The following WNT3 variants were observed in gnomAD, a reference collection of about 807,000 sequenced individuals.
WNT3 encodes the protein Wnt family member 3, also known as proto-oncogene Wnt-3.
WNT3 carries 7 observed loss-of-function variants against 34.2 expected under a neutral mutation model. The observed-to-expected ratio is 0.20, with a 90% CI of 0.12 to 0.38. WNT3 has a LOEUF of 0.38. Among genes scored for constraint, WNT3 ranks in the 10% least tolerant of loss-of-function variants. The pLI is 1.00. For synonymous variants in WNT3, 212 were observed against 211.5 expected, an observed-to-expected ratio of 1.00 and a Z score of -0.02; for missense variants, 267 against 499.8, an observed-to-expected ratio of 0.53 and a Z score of 4.44.
rs765884429 is a variant in WNT3 at position 46,769,977 on chromosome 17, C to A, written c.394G>T (p.Ala132Ser). 6.2e-7 allele frequency: 1 copy of A among 1,610,424 alleles called. No homozygotes were observed. Among genetic ancestry groups the A allele is most frequent in the East Asian group, 2.2e-5 (1 of 44,790 alleles). Residue 132 changes from alanine (A) to serine (S), a missense_variant, in exon 3 of 5, where the codon GCC (alanine) becomes TCC (serine). Transcript: ENST00000225512. Reference protein sequence around the residue: ...GVAFAVTRSCAEGTSTICGCD... With the variant: ...GVAFAVTRSCSEGTSTICGCD... ...CCGCAAATGGTGGAGGTGCCCTCGGCGCAGGAGCGGGTGACGGCGAAGGCC... is the reference window on the plus strand; with the variant it reads ...CCGCAAATGGTGGAGGTGCCCTCGGAGCAGGAGCGGGTGACGGCGAAGGCC...
At position 46,796,081 on chromosome 17, in the gene WNT3, C is replaced by T. The variant is rs1306924021; in HGVS notation, c.81-22172G>A. 3.3e-5 allele frequency among the ~76,000 whole-genome samples: 5 copies of T among 152,350 alleles called. No homozygotes were observed. The South Asian group carries it at 6.2e-4, about 19-fold the overall frequency. The stretch of plus-strand genomic sequence containing the variant: ...TCCGCAGGTGGTAGGTGGCACCCTC[C>T]ACGCCTGCAGGCCAGGGCTTTGTGA... On this transcript the variant is annotated intron_variant, in intron 1 of 4. Coordinates refer to ENST00000225512, the MANE Select transcript of WNT3 (RefSeq NM_030753.5).
rs2059288471 is a variant in WNT3, at chr17:46,763,776, T to C, written c.*854A>G. On this transcript the variant is annotated 3_prime_UTR_variant, in exon 5 of 5. Coordinates refer to ENST00000225512, the MANE Select transcript of WNT3 (RefSeq NM_030753.5). ...CCGCTTATTTATTTAGGAAGCCATT[T>C]GAGCTAGAGAAGACTTGCCCCCTTA... The C allele has an allele frequency of 1.4e-5, 2 of 147,742 alleles. No individual in the cohort carries two copies. Among genetic ancestry groups the C allele is most frequent in the Admixed American group, 1.4e-4 (2 of 14,674 alleles). The allele number at this position is 147,742 out of a possible 1,614,324, so 9.2% of individuals were successfully genotyped here.
At chr17:46,778,336 G>A (rs1021265979) in intron 1 of WNT3, among the ~76,000 whole-genome samples, 2 of 152,218 alleles carry the variant, frequency 1.3e-5, no homozygotes, top group African/African-American at 4.8e-5. Context: ...CACTCAAAGA[G>A]TGCAGGCAAA....
rs553893302 is a variant in WNT3 at position 46,768,386 on chromosome 17, G to A, written c.1002C>T (p.Phe334=). The A allele has an allele frequency of 1.2e-5, 19 of 1,613,932 alleles. No individual in the cohort carries two copies. The South Asian group carries it at 1.6e-4, about 14-fold the overall frequency. The part of the protein sequence containing the change: ...EKRKEKCHCI[F]HWCCYVSCQE... ...GGCAGCTGACGTAGCAGCACCAGTG[G>A]AAGATGCAGTGGCATTTTTCCTTCC... The change falls in exon 4 of 5, where the codon TTC becomes TTT. Residue 334 remains phenylalanine, a synonymous_variant. Coordinates refer to ENST00000225512, the MANE Select transcript of WNT3 (RefSeq NM_030753.5). The surrounding 1 kb of genome is among the most constrained non-coding windows in gnomAD (Gnocchi z 5.0).
chr17:46,772,235 ACT>A (rs1359641328), intron 2 of WNT3, among the ~76,000 whole-genome samples: 1 of 150,834 alleles, frequency 6.6e-6, no homozygotes, highest in Non-Finnish European at 1.5e-5. Flanking sequence ...AAATTCCCAA[ACT>A]CTCGGGCACA....
intron 2 of WNT3, among the ~76,000 whole-genome samples, chr17:46,772,188 C>A (rs534726466): frequency 5.5e-4 from 84 of 152,290 alleles, no homozygotes; most frequent in Non-Finnish European, 5.9e-5. Flanking sequence ...TATGCGCTCG[C>A]GGCGTCTTCC....
chr17:46,798,989 A>C (rs924680090), intron 1 of WNT3, among the ~76,000 whole-genome samples: 1 of 149,358 alleles, frequency 6.7e-6, no homozygotes, highest in African/African-American at 2.5e-5. Context: ...CGGAGGTTAC[A>C]GTGAGCCAAG....
chr17:46,781,227 C>A (rs908533050), intron 1 of WNT3, among the ~76,000 whole-genome samples: 2 of 55,456 alleles, frequency 3.6e-5, no homozygotes, highest in South Asian at 1.2e-3. Context: ...CTCTGTCCCC[C>A]CAACCAAAAA....
rs769539558 is a variant in WNT3, at chr17:46,769,819, C to T, written c.552G>A (p.Ser184=). ...DARENRPDAR[S]AMNKHNNEAG... ...CCTCGTTGTTGTGCTTGTTCATGGC[C>T]GAGCGCGCGTCCGGCCTGTTCTCGC... The change falls in exon 3 of 5, where the codon TCG becomes TCA. Residue 184 remains serine, a synonymous_variant. Transcript: ENST00000225512. 4.3e-6 allele frequency: 7 copies of T among 1,612,706 alleles called. 1 individual carries two copies. In the Admixed American group the frequency reaches 5.0e-5, roughly 12 times the overall value.
intron 1 of WNT3, among the ~76,000 whole-genome samples, chr17:46,777,743 CTG>C (rs1283198787): frequency 6.6e-6 from 1 of 152,216 alleles, no homozygotes; most frequent in Non-Finnish European, 1.5e-5. Context: ...GATGAGGAAA[CTG>C]AGGCATGGAG....
intron 1 of WNT3, among the ~76,000 whole-genome samples, chr17:46,812,143 T>G (rs2084284388): frequency 6.6e-6 from 1 of 151,812 alleles, no homozygotes; most frequent in South Asian, 2.1e-4. Context: ...TTTCCCACCT[T>G]CTCCACTCCC....
chr17:46,818,331 G>A (rs1366578812), intron 1 of WNT3, among the ~76,000 whole-genome samples, 187 bp downstream of exon 1: 2 of 149,394 alleles, frequency 1.3e-5, no homozygotes, highest in African/African-American at 4.9e-5. Context: ...GATTATCAGA[G>A]GAGCCAGGAG....
At chr17:46,809,870 C>G (rs2084248535) in intron 1 of WNT3, among the ~76,000 whole-genome samples, 1 of 152,172 alleles carries the variant, frequency 6.6e-6, no homozygotes, top group Admixed American at 6.5e-5. Flanking sequence ...GAGGACTCCC[C>G]TGTCCAGCCC....
chr17:46,782,882 G>A (rs768695409), intron 1 of WNT3, among the ~76,000 whole-genome samples: 1 of 152,358 alleles, frequency 6.6e-6, no homozygotes, highest in Non-Finnish European at 1.5e-5. Context: ...CTGAGCACAG[G>A]TCTGGACCTT....
intron 2 of WNT3, among the ~76,000 whole-genome samples, chr17:46,771,061 T>A (rs2146377837): frequency 6.6e-6 from 1 of 152,282 alleles, no homozygotes; most frequent in African/African-American, 2.4e-5. Context: ...CCGCCTCCCC[T>A]CCTGGGCTGT....
intron 1 of WNT3, among the ~76,000 whole-genome samples, chr17:46,817,885 G>T (rs945879832): frequency 9.9e-5 from 15 of 152,194 alleles, no homozygotes; most frequent in African/African-American, 3.6e-4. Context: ...AATAAAATCC[G>T]AATTCAATGG....
intron 1 of WNT3, among the ~76,000 whole-genome samples, chr17:46,808,780 C>T (rs1179728441): frequency 6.6e-6 from 1 of 151,938 alleles, no homozygotes; most frequent in Admixed American, 6.6e-5. Context: ...AAATAGGAAA[C>T]GTTTACAAGT....
chr17:46,766,134 C>G (rs973938622), intron 4 of WNT3, among the ~76,000 whole-genome samples: 1 of 152,146 alleles, frequency 6.6e-6, no homozygotes, highest in Non-Finnish European at 1.5e-5. Flanking sequence ...TCTGGCCGGG[C>G]GCGGTGGCTC....
intron 1 of WNT3, among the ~76,000 whole-genome samples, chr17:46,787,239 C>T (rs974309559): frequency 2.0e-5 from 3 of 149,444 alleles, no homozygotes; most frequent in African/African-American, 7.4e-5. Context: ...GCGTGCCCAG[C>T]CAATAAAGAC....
Sources: gnomAD v4.1 joint callset for allele counts (sites outside exome capture counted in the v4.1 genomes callset) on GRCh38, gnomAD v4.1.1 for gene constraint, Gnocchi (gnomAD v3.1) non-coding constraint, MANE v1.5 for transcripts, NCBI Gene and HGNC (gene_info 2026-07-23, HGNC 2026-07-21) for gene names.